C9: variants seen among roughly 807,000 people sequenced by gnomAD.
The protein encoded by C9 is complement component C9.
In C9, 63 loss-of-function variants were observed where a neutral mutation model predicts 65.4. That is an observed-to-expected ratio of 0.96 (90% CI 0.79 to 1.19). The LOEUF (loss-of-function observed/expected upper bound fraction) is 1.19. Among genes scored for constraint, C9 ranks in the 50% most tolerant of loss-of-function variants. The probability of loss-of-function intolerance (pLI) is 0.00; values close to 1 mark genes in which losing one functional copy is unlikely to be tolerated. For synonymous variants in C9, 229 were observed against 227.9 expected, an observed-to-expected ratio of 1.00 and a Z score of -0.04; for missense variants, 744 against 670.1, an observed-to-expected ratio of 1.11 and a Z score of -1.22.
At chr5:39,338,005 C>G (rs1754002176) in intron 4 of C9, among the ~76,000 whole-genome samples, 1 of 152,150 alleles carries the variant, frequency 6.6e-6, no homozygotes, top group Non-Finnish European at 1.5e-5. Flanking sequence ...CTCCTATTAC[C>G]TCTATTTCAC....
intron 1 of C9, among the ~76,000 whole-genome samples, chr5:39,356,951 T>A (rs1206595675): frequency 1.3e-5 from 2 of 152,200 alleles, no homozygotes; most frequent in African/African-American, 4.8e-5. Context: ...GAAATGTGTT[T>A]ATCAAATAAA....
At position 39,297,025 on chromosome 5, in the gene C9, T is replaced by A. The variant is rs116045003; in HGVS notation, c.1417-8074A>T. 6.5e-3 allele frequency among the ~76,000 whole-genome samples: 980 copies of A among 151,608 alleles called. 16 individuals carry two copies. The highest frequency in any genetic ancestry group is 0.022 in the African/African-American group (929 of 41,486). The stretch of plus-strand genomic sequence containing the variant: ...ATGGGAAAGAGCATACTGAAAGGGA[T>A]ATTTGTTAAAAGATACAACATTACA... On this transcript the variant is annotated intron_variant, in intron 9 of 10. Coordinates refer to ENST00000263408, the MANE Select transcript of C9 (RefSeq NM_001737.5).
chr5:39,298,678 A>G (rs1318299010), intron 9 of C9, among the ~76,000 whole-genome samples: 1 of 151,822 alleles, frequency 6.6e-6, no homozygotes, highest in Non-Finnish European at 1.5e-5. Context: ...CATTTAAAAA[A>G]GACATATCAA....
intron 4 of C9, among the ~76,000 whole-genome samples, chr5:39,336,122 T>C (rs897710154): frequency 2.6e-5 from 4 of 152,312 alleles, no homozygotes; most frequent in East Asian, 1.9e-4. Flanking sequence ...TCAATAAATA[T>C]AAATGCTGTA....
Position 39,341,685 on chromosome 5 carries a change from T to A in C9, c.199A>T (p.Ile67Phe), listed in dbSNP as rs138509694. The change falls in exon 3 of 11, where the codon ATT becomes TTT. Residue 67 changes from isoleucine to phenylalanine, a missense_variant. Ile to Phe is a conservative substitution (Grantham distance 21). Transcript: ENST00000263408. ...CLRQMFRSRS[I>F]EVFGQFNGKR... ...CCATTAAATTGTCCAAAGACCTCAA[T>A]GCTTCTTGAACGAAACTGCACAATA... 74 of 1,614,006 alleles carry A rather than the reference T, an allele frequency of 4.6e-5. No individual in the cohort carries two copies. The highest frequency in any genetic ancestry group is 5.4e-5 in the Non-Finnish European group (64 of 1,179,976).
intron 1 of C9, among the ~76,000 whole-genome samples, chr5:39,344,816 C>T (rs1308814547): frequency 2.6e-5 from 4 of 152,158 alleles, no homozygotes; most frequent in Non-Finnish European, 5.9e-5. Flanking sequence ...AGACTAACAG[C>T]AGATCTCTCG....
chr5:39,333,293 C>T (rs1162760208), intron 4 of C9, among the ~76,000 whole-genome samples: 2 of 152,180 alleles, frequency 1.3e-5, no homozygotes, highest in Non-Finnish European at 2.9e-5. Context: ...TGTGCTTGGC[C>T]ATGTGACTTA....
intron 1 of C9, among the ~76,000 whole-genome samples, chr5:39,345,757 G>A (rs188096091): frequency 7.6e-4 from 115 of 152,146 alleles, no homozygotes; most frequent in Non-Finnish European, 1.2e-3. Context: ...CAAATTTGAC[G>A]ACACAGTTGG....
In C9 at chr5:39,341,690, C is replaced by G. The variant is rs745797921; in HGVS notation, c.194G>C (p.Arg65Thr). ...DPCLRQMFRS[R>T]SIEVFGQFNG... is the part of the protein sequence containing the mutation. ...AAATTGTCCAAAGACCTCAATGCTT[C>G]TTGAACGAAACTGCACAATATCAGT... The change falls in exon 3 of 11, where the codon AGA becomes ACA. Residue 65 changes from arginine to threonine, a missense_variant. Coordinates refer to ENST00000263408, the MANE Select transcript of C9 (RefSeq NM_001737.5). 5 of 1,613,968 alleles carry G rather than the reference C, an allele frequency of 3.1e-6. No individual in the cohort carries two copies. The highest frequency in any genetic ancestry group is 4.2e-6 in the Non-Finnish European group (5 of 1,179,974).
At chr5:39,355,461 G>GTT (rs3836793) in intron 1 of C9, among the ~76,000 whole-genome samples, 30 of 150,782 alleles carry the variant, frequency 2.0e-4, no homozygotes, top group African/African-American at 2.7e-4. Context: ...ACTCCTTTTT[G>GTT]TTTTTTTTTA....
At chr5:39,339,627 G>A (rs1754033721) in intron 4 of C9, among the ~76,000 whole-genome samples, 3 of 147,668 alleles carry the variant, frequency 2.0e-5, no homozygotes, top group Admixed American at 2.0e-4. Context: ...AGCTACAATG[G>A]TCTCCAGATA....
At chr5:39,333,577 C>CCTCTCCCTCTCT (rs1310388561) in intron 4 of C9, among the ~76,000 whole-genome samples, 1 of 135,486 alleles carries the variant, frequency 7.4e-6, no homozygotes, top group Non-Finnish European at 1.7e-5. Flanking sequence ...TCTCCCTCTC[C>CCTCTCCCTCTCT]CTCTCCGTCT....
chr5:39,286,060 C>T (rs1244098852), intron 10 of C9, among the ~76,000 whole-genome samples: 1 of 151,964 alleles, frequency 6.6e-6, no homozygotes, highest in Non-Finnish European at 1.5e-5. Context: ...AAAGGTCAAC[C>T]AAACAATGCC....
At chr5:39,301,120 G>A (rs1390589658) in intron 9 of C9, among the ~76,000 whole-genome samples, 1 of 152,018 alleles carries the variant, frequency 6.6e-6, no homozygotes, top group Non-Finnish European at 1.5e-5. Context: ...ATTTAACTAA[G>A]TCAAAATAAA....
At chr5:39,311,876 G>A (rs542263860) in intron 6 of C9, among the ~76,000 whole-genome samples, 1 of 152,258 alleles carries the variant, frequency 6.6e-6, no homozygotes, top group South Asian at 2.1e-4. Context: ...ACTGATACAT[G>A]TAACAACATA....
intron 9 of C9, among the ~76,000 whole-genome samples, chr5:39,300,423 C>T (rs958523708): frequency 6.6e-6 from 1 of 151,212 alleles, no homozygotes; most frequent in Admixed American, 6.6e-5. Flanking sequence ...AAAACAAAAA[C>T]AAAAAGAAAA....
intron 7 of C9, among the ~76,000 whole-genome samples, chr5:39,310,122 C>T (rs1428341363): frequency 6.6e-6 from 1 of 152,164 alleles, no homozygotes; most frequent in African/African-American, 2.4e-5. Context: ...ACTGAGGCAT[C>T]AAGACCAGCT....
chr5:39,323,911 A>T (rs1753705426), intron 5 of C9, among the ~76,000 whole-genome samples: 1 of 152,140 alleles, frequency 6.6e-6, no homozygotes. Flanking sequence ...AACCCTAAAG[A>T]CACCACCCAA....
At chr5:39,357,210 A>G (rs1754426680) in intron 1 of C9, among the ~76,000 whole-genome samples, 2 of 152,368 alleles carry the variant, frequency 1.3e-5, no homozygotes, top group South Asian at 2.1e-4. Context: ...TACTTTATGA[A>G]GGAATCTTTT....
Sources: allele counts gnomAD v4.1 joint callset (sites outside exome capture counted in the v4.1 genomes callset), GRCh38; gene constraint gnomAD v4.1.1; transcripts MANE v1.5; gene names NCBI Gene and HGNC (gene_info 2026-07-23, HGNC 2026-07-21).